Variants in WWOX observed in about 807,000 individuals in gnomAD.
The protein encoded by WWOX is WW domain containing oxidoreductase.
WWOX carries 69 observed loss-of-function variants against 46.2 expected under a neutral mutation model. That is an observed-to-expected ratio of 1.49 (90% CI 1.23 to 1.82). The LOEUF (loss-of-function observed/expected upper bound fraction) is 1.82. WWOX is among the 40% of genes most tolerant of loss of function. The pLI is 0.00. For synonymous variants in WWOX, 359 were observed against 202.6 expected, an observed-to-expected ratio of 1.77 and a Z score of -6.56; for missense variants, 919 against 542.6, an observed-to-expected ratio of 1.69 and a Z score of -6.89.
intron 8 of WWOX, among the ~76,000 whole-genome samples, chr16:78,587,037 T>C (rs189459139): frequency 1.3e-3 from 193 of 152,180 alleles, no homozygotes; most frequent in African/African-American, 4.4e-3. Context: ...TTAGTGTTCC[T>C]TTTTTAGAGA....
At chr16:79,056,213 A>T (rs1321006585) in intron 8 of WWOX, among the ~76,000 whole-genome samples, 4 of 84,960 alleles carry the variant, frequency 4.7e-5, no homozygotes, top group Non-Finnish European at 9.2e-5. Flanking sequence ...CTGTCACTAG[A>T]CCAAAAAAAA....
intron 8 of WWOX, among the ~76,000 whole-genome samples, chr16:78,591,309 C>T (rs536009348): frequency 1.1e-4 from 16 of 152,282 alleles, no homozygotes; most frequent in African/African-American, 3.8e-4. Context: ...TCTCCTTGAC[C>T]AGAACTGTAT....
At chr16:78,180,804 C>G (rs777608205) in intron 5 of WWOX, among the ~76,000 whole-genome samples, 2 of 152,158 alleles carry the variant, frequency 1.3e-5, no homozygotes, top group Non-Finnish European at 2.9e-5. Flanking sequence ...GTAAACCCAG[C>G]TGCACCCCAG....
rs1188530221 is a variant in WWOX at position 78,339,465 on chromosome 16, C to G, written c.517-47395C>G. Among the ~76,000 whole-genome samples the G allele has an allele frequency of 2.5e-5, 3 of 117,806 alleles. 1 individual carries two copies. The highest frequency in any genetic ancestry group is 8.6e-5 in the African/African-American group (3 of 34,770). The allele number at this position is 117,806 out of a possible 152,430, so 77.3% of individuals were successfully genotyped here. ...GTGCACAGGAATACTTGGTGATGTTCTTTTTAAAACTGCCCTCACATTGTA... is the reference window on the plus strand; with the variant it reads ...GTGCACAGGAATACTTGGTGATGTTGTTTTTAAAACTGCCCTCACATTGTA... On this transcript the variant is annotated intron_variant, in intron 5 of 8. Coordinates refer to ENST00000566780, the MANE Select transcript of WWOX (RefSeq NM_016373.4).
At chr16:78,504,316 A>T (rs930757397) in intron 8 of WWOX, among the ~76,000 whole-genome samples, 3 of 152,206 alleles carry the variant, frequency 2.0e-5, no homozygotes, top group South Asian at 2.1e-4. Context: ...ACTAAAGAAG[A>T]TTGTTTTTCT....
chr16:78,790,323 TG>T (rs1451529955), intron 8 of WWOX, among the ~76,000 whole-genome samples: 1 of 151,770 alleles, frequency 6.6e-6, no homozygotes, highest in Non-Finnish European at 1.5e-5. Context: ...TCAGTAGAGA[TG>T]GGGTTTCATC....
intron 8 of WWOX, among the ~76,000 whole-genome samples, chr16:78,557,564 A>G (rs950829424): frequency 1.3e-5 from 2 of 152,140 alleles, no homozygotes; most frequent in Non-Finnish European, 2.9e-5. Context: ...GTTTCCAAGA[A>G]GGGAGTGGCA....
At chr16:78,690,590 G>C (rs777507332) in intron 8 of WWOX, among the ~76,000 whole-genome samples, 2 of 152,118 alleles carry the variant, frequency 1.3e-5, no homozygotes, top group Non-Finnish European at 2.9e-5. Context: ...ATTGAATGAA[G>C]ACATGAAAGC....
chr16:78,333,165 C>G (rs924944315), intron 5 of WWOX, among the ~76,000 whole-genome samples: 8 of 149,500 alleles, frequency 5.4e-5, no homozygotes, highest in African/African-American at 1.5e-4. Flanking sequence ...ATTCTCCTGC[C>G]TCAGCCTCCT....
intron 8 of WWOX, among the ~76,000 whole-genome samples, chr16:78,598,901 C>A (rs149852733): frequency 6.6e-6 from 1 of 152,134 alleles, no homozygotes; most frequent in African/African-American, 2.4e-5. Flanking sequence ...CACATGACAC[C>A]AATAGCTCAC....
Position 78,275,721 on chromosome 16 carries a change from C to T in WWOX, c.517-111139C>T, listed in dbSNP as rs79421672. Among the ~76,000 whole-genome samples the T allele has an allele frequency of 6.2e-3, 937 of 152,276 alleles. 10 individuals are homozygous for T. Among genetic ancestry groups the T allele is most frequent in the African/African-American group, 0.019 (772 of 41,552 alleles). On this transcript the variant is annotated intron_variant, in intron 5 of 8. Transcript: ENST00000566780. ...TTGGGCCAGATTAAGCAGATTGTCC[C>T]CATTGGTCCATTTTTAAATCTTCCT... is the stretch of plus-strand genomic sequence containing the variant.
intron 8 of WWOX, among the ~76,000 whole-genome samples, chr16:78,817,296 A>G (rs2051359838): frequency 6.9e-6 from 1 of 145,242 alleles, no homozygotes; most frequent in Non-Finnish European, 1.5e-5. Flanking sequence ...AAGTGTGTAG[A>G]CTTGATAGAA....
chr16:78,109,836 G>A lies in WWOX; in HGVS notation c.230+1G>A, dbSNP rs1189393926. On this transcript the variant is annotated splice_donor_variant, in intron 3 of 8. Coordinates refer to ENST00000566780, the MANE Select transcript of WWOX (RefSeq NM_016373.4). LOFTEE classifies it high-confidence loss of function. ...AGAACGGACAAGTGTTTTTTGTTGA[G>A]TAAGTGTCTGCAAAGAAACCACTCT... 1 of 1,614,128 alleles carries A rather than the reference G, an allele frequency of 6.2e-7. No individual in the cohort carries two copies. Among genetic ancestry groups the A allele is most frequent in the Non-Finnish European group, 8.5e-7 (1 of 1,180,038 alleles).
At chr16:79,037,387 G>T (rs372898437) in intron 8 of WWOX, among the ~76,000 whole-genome samples, 98 of 152,212 alleles carry the variant, frequency 6.4e-4, no homozygotes, top group African/African-American at 2.3e-3. Context: ...GTTGATTGAG[G>T]GTGTGTTGGG....
At chr16:78,321,880 A>G (rs1486600712) in intron 5 of WWOX, among the ~76,000 whole-genome samples, 1 of 152,072 alleles carries the variant, frequency 6.6e-6, no homozygotes, top group Non-Finnish European at 1.5e-5. Context: ...GTTGACATTT[A>G]GTGACATGCG....
At chr16:79,153,027 C>T (rs1045566483) in intron 8 of WWOX, among the ~76,000 whole-genome samples, 10 of 152,058 alleles carry the variant, frequency 6.6e-5, no homozygotes, top group South Asian at 4.2e-4. Flanking sequence ...TCAAAAGAGC[C>T]GGGCAAGGAG....
rs1010046671 is a variant in WWOX at position 78,909,770 on chromosome 16, A to T, written c.1057-301838A>T. Among the ~76,000 whole-genome samples the T allele has an allele frequency of 2.6e-5, 4 of 152,216 alleles. No homozygotes were observed. The South Asian group carries it at 8.3e-4, about 32-fold the overall frequency. On this transcript the variant is annotated intron_variant, in intron 8 of 8. Coordinates refer to ENST00000566780, the MANE Select transcript of WWOX (RefSeq NM_016373.4). ...AACAGGGAGGTTGTTCCATGCGTCAACTTAGTCCAAATGTAGAGGGTCAGG... is the reference window on the plus strand; with the variant it reads ...AACAGGGAGGTTGTTCCATGCGTCATCTTAGTCCAAATGTAGAGGGTCAGG...
intron 5 of WWOX, among the ~76,000 whole-genome samples, chr16:78,356,472 AT>A (rs1359807412): frequency 6.6e-6 from 1 of 152,146 alleles, no homozygotes. Flanking sequence ...GATATGACAC[AT>A]CTCTAGTTTG....
intron 5 of WWOX, among the ~76,000 whole-genome samples, chr16:78,373,659 G>C (rs543983739): frequency 6.0e-5 from 9 of 151,090 alleles, no homozygotes; most frequent in African/African-American, 2.2e-4. Context: ...TTCTAGTCTT[G>C]GTTTCTGCCT....
Sources: gnomAD v4.1 joint callset for allele counts (sites outside exome capture counted in the v4.1 genomes callset) on GRCh38, gnomAD v4.1.1 for gene constraint, MANE v1.5 for transcripts, NCBI Gene and HGNC (gene_info 2026-07-23, HGNC 2026-07-21) for gene names.